The following FAM219A variants were observed in gnomAD, a reference collection of about 807,000 sequenced individuals.
FAM219A encodes the protein protein FAM219A.
FAM219A carries 7 observed loss-of-function variants against 23.4 expected under a neutral mutation model. The observed-to-expected ratio is 0.30, with a 90% CI of 0.17 to 0.56. The LOEUF (loss-of-function observed/expected upper bound fraction) is 0.56, where lower values mean the gene tolerates loss of function less well. FAM219A is among the 20% of genes least tolerant of loss of function. FAM219A has a pLI of 0.92. For synonymous variants in FAM219A, 93 were observed against 99.0 expected (o/e 0.94, Z 0.36); for missense variants, 166 against 246.9 (o/e 0.67, Z 2.20).
At chr9:34,449,538 CA>C (rs1315125864) in intron 1 of FAM219A, among the ~76,000 whole-genome samples, 10 of 152,284 alleles carry the variant, frequency 6.6e-5, no homozygotes, top group African/African-American at 2.4e-4. Flanking sequence ...AACAAATCAG[CA>C]ACATCCCATT....
rs1821319508 is a variant in FAM219A at position 34,398,860 on chromosome 9, G to A, written c.*2104C>T. 1 of 166,658 alleles carries A rather than the reference G, an allele frequency of 6.0e-6. No individual in the cohort carries two copies. Among genetic ancestry groups the A allele is most frequent in the South Asian group, 1.6e-4 (1 of 6,404 alleles). 10.3% of individuals were successfully genotyped at this position (166,658 alleles called of 1,614,324 possible). A position where few individuals can be genotyped will look rare whatever the true frequency, so the allele number is the denominator to read the frequency against. On this transcript the variant is annotated 3_prime_UTR_variant, in exon 6 of 6. Transcript: ENST00000651358. ...AGATGGGGGCCAGTATGGGCCTTGT[G>A]GGTCCTGCAGGTACCTTCTCTGTCC...
At chr9:34,452,371 G>T (rs1438322539) in intron 1 of FAM219A, among the ~76,000 whole-genome samples, 2 of 152,122 alleles carry the variant, frequency 1.3e-5, no homozygotes, top group African/African-American at 4.8e-5. Flanking sequence ...AAGGTACATG[G>T]GCTCCTGAGT....
intron 1 of FAM219A, among the ~76,000 whole-genome samples, chr9:34,437,452 T>C (rs1822963970): frequency 1.3e-5 from 2 of 152,234 alleles, no homozygotes; most frequent in African/African-American, 2.4e-5. Flanking sequence ...AACTGAAGCG[T>C]GGCTTCTTGG....
intron 1 of FAM219A, among the ~76,000 whole-genome samples, chr9:34,423,304 CTG>C (rs941958668): frequency 2.6e-5 from 4 of 152,136 alleles, no homozygotes; most frequent in Non-Finnish European, 5.9e-5. Context: ...CTATCCCACT[CTG>C]GGGAATTAGG....
intron 5 of FAM219A, 126 bp downstream of exon 5, chr9:34,401,540 G>A (rs1390070027): frequency 9.1e-7 from 1 of 1,098,656 alleles, no homozygotes; most frequent in Admixed American, 2.2e-5. Flanking sequence ...CCCACCCTGT[G>A]CAGGGCACCA....
intron 2 of FAM219A, 63 bp downstream of exon 2, chr9:34,405,802 T>G: frequency 6.6e-7 from 1 of 1,511,028 alleles, no homozygotes; most frequent in Non-Finnish European, 9.1e-7. Context: ...CACCTCATTG[T>G]AGACCCAGCC....
chr9:34,424,950 G>A (rs2131970781), intron 1 of FAM219A, among the ~76,000 whole-genome samples: 1 of 152,180 alleles, frequency 6.6e-6, no homozygotes. Context: ...GACTACAGGT[G>A]TGTACCACCA....
rs1212346431 is a variant in FAM219A, at chr9:34,420,992, A to ATG, written c.61-15030_61-15029dup. 4.1e-3 allele frequency among the ~76,000 whole-genome samples: 435 copies of ATG among 107,388 alleles called. 1 individual carries two copies. The highest frequency in any genetic ancestry group is 0.02 in the Middle Eastern group (3 of 150). 70.5% of individuals were successfully genotyped at this position (107,388 alleles called of 152,430 possible). A position where few individuals can be genotyped will look rare whatever the true frequency, so the allele number is the denominator to read the frequency against. On this transcript the variant is annotated intron_variant, in intron 1 of 5. Coordinates refer to ENST00000651358, the MANE Select transcript of FAM219A (RefSeq NM_001184940.2). ...GAAACTCGTGTGTGTGTGTGTGTGTATGTGTGTGTGTGTGTGTGAGAGAGA... is the reference window on the plus strand; with the variant it reads ...GAAACTCGTGTGTGTGTGTGTGTGTATGTGTGTGTGTGTGTGTGTGAGAGAGA...
chr9:34,415,572 G>A (rs1023825803), intron 1 of FAM219A, among the ~76,000 whole-genome samples: 4 of 152,256 alleles, frequency 2.6e-5, no homozygotes, highest in African/African-American at 7.2e-5. Context: ...AATGTTCTAC[G>A]GTATGTGAGT....
rs943480737 is a variant in FAM219A at position 34,402,461 on chromosome 9, G to A, written c.270C>T (p.Val90=). Residue 90 remains valine (V), a synonymous_variant, in exon 4 of 6, where the codon GTC becomes GTT. Transcript: ENST00000651358. ...GTGAGGAGTAGCCTTTATTGGGGAC[G>A]ACCAGCCTAGGTGAAGAATTTCGGG... ...KNNVMARTRL[V]VPNKGYSSLD... 27 of 1,613,996 alleles carry A rather than the reference G, an allele frequency of 1.7e-5. No homozygotes were observed. The highest frequency in any genetic ancestry group is 1.1e-4 in the African/African-American group (8 of 74,916).
chr9:34,424,474 C>G (rs536259784), intron 1 of FAM219A, among the ~76,000 whole-genome samples: 166 of 134,362 alleles, frequency 1.2e-3, no homozygotes, highest in African/African-American at 4.0e-3. Flanking sequence ...GCAAGGGAGG[C>G]TGACCAGGGC....
In FAM219A at chr9:34,402,173, C is replaced by A. The variant is rs1247177926; in HGVS notation, c.344+214G>T. The A allele has an allele frequency of 2.7e-6, 4 of 1,480,512 alleles. No individual in the cohort carries two copies. The African/African-American group carries it at 5.6e-5, about 21-fold the overall frequency. The allele number at this position is 1,480,512 out of a possible 1,614,324, so 91.7% of individuals were successfully genotyped here. ...TCAGTTGTCCCAGGATGACAGCAGA[C>A]AACGCAGGCCCCCCTTTCCTCTCTC... On this transcript the variant is annotated intron_variant, in intron 4 of 5. Coordinates refer to ENST00000651358, the MANE Select transcript of FAM219A (RefSeq NM_001184940.2).
chr9:34,436,412 T>TA (rs1375216933), intron 1 of FAM219A, among the ~76,000 whole-genome samples: 4 of 151,316 alleles, frequency 2.6e-5, no homozygotes, highest in African/African-American at 4.9e-5. Context: ...CCTGGCTATT[T>TA]AAAAAAAAAT....
At position 34,416,312 on chromosome 9, in the gene FAM219A, A is replaced by AAGGAAGGAAGGAAGGAACGG. The variant is rs1163802893; in HGVS notation, c.61-10349_61-10348insCCGTTCCTTCCTTCCTTCCT. On this transcript the variant is annotated intron_variant, in intron 1 of 5. Transcript: ENST00000651358. Reference sequence around the variant, plus strand: ...GAAGGAAGGAAGGAAGGAAGGAACGAAGGAAGGAAGGAAGGAAGGAAGCGG... The same window carrying AAGGAAGGAAGGAAGGAACGG: ...GAAGGAAGGAAGGAAGGAAGGAACGAAGGAAGGAAGGAAGGAACGGAGGAAGGAAGGAAGGAAGGAAGCGG... 6.0e-5 allele frequency among the ~76,000 whole-genome samples: 7 copies of AAGGAAGGAAGGAAGGAACGG among 117,520 alleles called. 1 individual carries two copies. Among genetic ancestry groups the AAGGAAGGAAGGAAGGAACGG allele is most frequent in the Middle Eastern group, 8.1e-3 (2 of 246 alleles). The allele number at this position is 117,520 out of a possible 152,430, so 77.1% of individuals were successfully genotyped here.
intron 1 of FAM219A, among the ~76,000 whole-genome samples, chr9:34,424,095 C>G (rs75354909): frequency 0.016 from 2,415 of 152,108 alleles, 71 homozygotes; most frequent in African/African-American, 0.055. Flanking sequence ...AAGAAGAGAT[C>G]AGAGTCATGG....
chr9:34,437,451 G>C (rs979435506), intron 1 of FAM219A, among the ~76,000 whole-genome samples: 10 of 152,186 alleles, frequency 6.6e-5, no homozygotes, highest in African/African-American at 2.4e-4. Context: ...GAACTGAAGC[G>C]TGGCTTCTTG....
Position 34,416,808 on chromosome 9 carries a change from A to ATGTTTTT in FAM219A, c.61-10845_61-10844insAAAAACA, listed in dbSNP as rs60995496. Among the ~76,000 whole-genome samples the ATGTTTTT allele has an allele frequency of 9.5e-3, 1,076 of 113,582 alleles. 39 individuals are homozygous for ATGTTTTT. Among genetic ancestry groups the ATGTTTTT allele is most frequent in the African/African-American group, 0.034 (1,000 of 29,014 alleles). 74.5% of individuals were successfully genotyped at this position (113,582 alleles called of 152,430 possible). A position where few individuals can be genotyped will look rare whatever the true frequency, so the allele number is the denominator to read the frequency against. On this transcript the variant is annotated intron_variant, in intron 1 of 5. Coordinates refer to ENST00000651358, the MANE Select transcript of FAM219A (RefSeq NM_001184940.2). ...AGTATCAGAACATAATCAGCTCTCC[A>ATGTTTTT]TTTTTTTTTTTTTTTTTTTTTTAAA...
At chr9:34,427,392 G>A (rs1822526813) in intron 1 of FAM219A, among the ~76,000 whole-genome samples, 1 of 151,922 alleles carries the variant, frequency 6.6e-6, no homozygotes. Context: ...GCCCAGGCTG[G>A]GACACATCAC....
intron 4 of FAM219A, chr9:34,402,103 C>T: frequency 1.4e-6 from 2 of 1,380,028 alleles, no homozygotes. Context: ...TCATATTCTG[C>T]TGTCCAGAGA....
Sources: allele counts gnomAD v4.1 joint callset (sites outside exome capture counted in the v4.1 genomes callset), GRCh38; gene constraint gnomAD v4.1.1; transcripts MANE v1.5; gene names NCBI Gene and HGNC (gene_info 2026-07-23, HGNC 2026-07-21).